Variants in SULF1 observed in about 807,000 individuals in gnomAD.
The protein encoded by SULF1 is extracellular sulfatase Sulf-1.
SULF1 carries 46 observed loss-of-function variants against 110.5 expected under a neutral mutation model. The observed-to-expected ratio is 0.42, with a 90% CI of 0.33 to 0.53. SULF1 has a LOEUF of 0.53. Among genes scored for constraint, SULF1 ranks in the 20% least tolerant of loss-of-function variants. The probability of loss-of-function intolerance (pLI) is 0.12; values close to 1 mark genes in which losing one functional copy is unlikely to be tolerated. For synonymous variants in SULF1, 371 were observed against 387.1 expected, an observed-to-expected ratio of 0.96 and a Z score of 0.49; for missense variants, 941 against 1,094.2, an observed-to-expected ratio of 0.86 and a Z score of 1.98.
rs756737948 is a variant in SULF1 at position 69,586,400 on chromosome 8, C to A, written c.456C>A (p.Ile152=). The change falls in exon 7 of 23, where the codon ATC becomes ATA. Residue 152 remains isoleucine (I), a synonymous_variant. Coordinates refer to ENST00000402687, the MANE Select transcript of SULF1 (RefSeq NM_001128205.2). ...TCAATGAATATAATGGCAGCTACAT[C>A]CCCCCTGGGTGGCGAGAATGGCTTG... is the stretch of plus-strand genomic sequence containing the variant. ...KYLNEYNGSY[I]PPGWREWLGL... The A allele has an allele frequency of 5.0e-6, 8 of 1,603,752 alleles. No individual in the cohort carries two copies. Among genetic ancestry groups the A allele is most frequent in the Non-Finnish European group, 1.7e-6 (2 of 1,176,312 alleles).
At chr8:69,572,805 G>T (rs1357163922) in intron 5 of SULF1, among the ~76,000 whole-genome samples, 3 of 152,084 alleles carry the variant, frequency 2.0e-5, no homozygotes, top group African/African-American at 7.2e-5. Context: ...TCTTTACTGA[G>T]AACCTTCAAG....
intron 3 of SULF1, among the ~76,000 whole-genome samples, chr8:69,551,960 T>C (rs967955362): frequency 6.6e-6 from 1 of 152,122 alleles, no homozygotes; most frequent in Non-Finnish European, 1.5e-5. Context: ...GACATGGTGG[T>C]GCACACCTGT....
intron 3 of SULF1, among the ~76,000 whole-genome samples, chr8:69,523,911 G>C (rs766387166): frequency 5.3e-5 from 8 of 152,054 alleles, no homozygotes; most frequent in Non-Finnish European, 8.8e-5. Flanking sequence ...CTTGGGGAGA[G>C]GAGGGGTGAT....
intron 13 of SULF1, among the ~76,000 whole-genome samples, chr8:69,612,883 G>GT (rs770727394): frequency 1.5e-4 from 23 of 151,966 alleles, no homozygotes; most frequent in Non-Finnish European, 2.5e-4. Context: ...TTATGTTTGG[G>GT]TTTTTTTATA....
chr8:69,618,862 C>G (rs915194948), intron 13 of SULF1, among the ~76,000 whole-genome samples: 1 of 152,208 alleles, frequency 6.6e-6, no homozygotes, highest in Non-Finnish European at 1.5e-5. Context: ...AACCATGGCT[C>G]TGCATCTTGG....
intron 3 of SULF1, among the ~76,000 whole-genome samples, chr8:69,556,969 G>C (rs1471947491): frequency 6.6e-6 from 1 of 151,920 alleles, no homozygotes. Context: ...CCCCCACATG[G>C]GTCCATGTGT....
intron 2 of SULF1, among the ~76,000 whole-genome samples, chr8:69,499,341 A>G (rs561031630): frequency 1.3e-5 from 2 of 152,366 alleles, no homozygotes; most frequent in South Asian, 4.1e-4. Context: ...ACTCTAATTC[A>G]TATTAATCCT....
chr8:69,579,003 T>C (rs941943891), intron 6 of SULF1, among the ~76,000 whole-genome samples: 1 of 150,560 alleles, frequency 6.6e-6, no homozygotes, highest in African/African-American at 2.4e-5. Flanking sequence ...CTACTAAAAA[T>C]AGAAAAAATT....
chr8:69,548,198 T>C (rs1814420911), intron 3 of SULF1, among the ~76,000 whole-genome samples: 1 of 152,150 alleles, frequency 6.6e-6, no homozygotes, highest in Non-Finnish European at 1.5e-5. Flanking sequence ...CCCTCATGTA[T>C]TATTATAGAA....
intron 3 of SULF1, among the ~76,000 whole-genome samples, chr8:69,532,144 G>A (rs186267786): frequency 1.1e-4 from 16 of 152,206 alleles, no homozygotes; most frequent in Admixed American, 4.6e-4. Context: ...GCTATTCTTC[G>A]TTAAATAAAG....
chr8:69,474,584 G>A (rs897548975), intron 1 of SULF1, among the ~76,000 whole-genome samples: 12 of 151,902 alleles, frequency 7.9e-5, no homozygotes, highest in Admixed American at 2.6e-4. Context: ...ACTTTATGCT[G>A]GTAAAAGAAA....
At chr8:69,482,584 A>T (rs1809555106) in intron 1 of SULF1, among the ~76,000 whole-genome samples, 1 of 152,130 alleles carries the variant, frequency 6.6e-6, no homozygotes, top group Admixed American at 6.6e-5. Flanking sequence ...CTGTTTGTAT[A>T]TATAGAGAGA....
intron 8 of SULF1, among the ~76,000 whole-genome samples, chr8:69,599,788 C>T (rs1399120672): frequency 6.6e-6 from 1 of 152,092 alleles, no homozygotes; most frequent in Non-Finnish European, 1.5e-5. Context: ...GTGGCAGCAT[C>T]TAATGGTTGA....
At position 69,627,965 on chromosome 8, in the gene SULF1, G is replaced by A. The variant is rs933102014; in HGVS notation, c.2042+99G>A. On this transcript the variant is annotated intron_variant, in intron 17 of 22. Coordinates refer to ENST00000402687, the MANE Select transcript of SULF1 (RefSeq NM_001128205.2). The stretch of plus-strand genomic sequence containing the variant: ...CATTTTTCTCTCTTACCTATAGAAT[G>A]TATTGTCATAGAGTACGATAACCTA... 19 of 964,828 alleles carry A rather than the reference G, an allele frequency of 2.0e-5. No individual in the cohort carries two copies. In the African/African-American group the frequency reaches 2.3e-4, roughly 12 times the overall value. The allele number at this position is 964,828 out of a possible 1,614,324, so 59.8% of individuals were successfully genotyped here.
chr8:69,574,042 T>G (rs1407165797), intron 5 of SULF1, among the ~76,000 whole-genome samples: 1 of 152,182 alleles, frequency 6.6e-6, no homozygotes. Context: ...GCACCCTTCG[T>G]GGACCAGCAG....
At chr8:69,474,102 A>C (rs1809203025) in intron 1 of SULF1, among the ~76,000 whole-genome samples, 1 of 152,180 alleles carries the variant, frequency 6.6e-6, no homozygotes, top group Admixed American at 6.5e-5. Context: ...TGAAATACAA[A>C]GAGTTCTGTT....
At chr8:69,614,822 A>G (rs895770984) in intron 13 of SULF1, among the ~76,000 whole-genome samples, 14 of 152,278 alleles carry the variant, frequency 9.2e-5, no homozygotes, top group African/African-American at 3.4e-4. Context: ...AATTATTTAA[A>G]TAGTTTTATC....
intron 3 of SULF1, among the ~76,000 whole-genome samples, chr8:69,545,884 A>G (rs373051856): frequency 1.3e-5 from 2 of 152,098 alleles, no homozygotes; most frequent in African/African-American, 4.8e-5. Context: ...TAGTAGAGAC[A>G]GGGTTTCATC....
At position 69,629,614 on chromosome 8, in the gene SULF1, GC is replaced by G. The variant is rs1342333859; in HGVS notation, c.2221del (p.Leu741CysfsTer63). 6.2e-7 allele frequency: 1 copy of G among 1,613,876 alleles called. No homozygotes were observed. Among genetic ancestry groups the G allele is most frequent in the Admixed American group, 1.7e-5 (1 of 59,970 alleles). On this transcript the variant is annotated frameshift_variant, in exon 19 of 23. Transcript: ENST00000402687. LOFTEE classifies it high-confidence loss of function. ...KRRQRKGEEC[S>X]LPGLTCFTHD... The stretch of plus-strand genomic sequence containing the variant: ...CGGCAGAGGAAGGGGGAAGAGTGCA[GC>G]CTGCCTGGCCTCACTTGCTTCACGC...
Sources: gnomAD v4.1 joint callset for allele counts (sites outside exome capture counted in the v4.1 genomes callset) on GRCh38, gnomAD v4.1.1 for gene constraint, MANE v1.5 for transcripts, NCBI Gene and HGNC (gene_info 2026-07-23, HGNC 2026-07-21) for gene names.